The following ATRX variants were observed in gnomAD, a reference collection of about 807,000 sequenced individuals.
The protein encoded by ATRX is chromatin remodeler ATRX.
ATRX carries 12 observed loss-of-function variants against 172.6 expected under a neutral mutation model. The observed-to-expected ratio is 0.07, with a 90% CI of 0.04 to 0.11. ATRX has a LOEUF of 0.11. Among genes scored for constraint, ATRX ranks in the 10% least tolerant of loss-of-function variants. The probability of loss-of-function intolerance (pLI) is 1.00; values close to 1 mark genes in which losing one functional copy is unlikely to be tolerated. For synonymous variants in ATRX, 674 were observed against 594.7 expected (o/e 1.13, Z -1.94); for missense variants, 1,368 against 1,767.4 (o/e 0.77, Z 4.05).
chrX:77,646,877 C>T (rs2068946182), intron 15 of ATRX, among the ~76,000 whole-genome samples: 1 of 107,795 alleles, frequency 9.3e-6, no homozygotes, highest in Non-Finnish European at 1.9e-5. Context: ...GAGCTATGAT[C>T]ACGTCACTGC....
At chrX:77,754,776 T>C (rs1470313132) in intron 1 of ATRX, among the ~76,000 whole-genome samples, 3 of 111,776 alleles carry the variant, frequency 2.7e-5, no homozygotes, top group African/African-American at 3.3e-5. Flanking sequence ...ATTTTTTCCT[T>C]CATTTCAACC....
rs1319626475 is a variant in ATRX, at chrX:77,631,314, T to C, written c.5134+1893A>G. Among the ~76,000 whole-genome samples the C allele has an allele frequency of 2.2e-4, 25 of 111,294 alleles. 1 individual carries two copies. The Admixed American group carries it at 2.4e-3, about 11-fold the overall frequency. On this transcript the variant is annotated intron_variant, in intron 19 of 34. Transcript: ENST00000373344. ...AAATAAATGGGTAAGAAAAGATAAT[T>C]TTTTCTTTAAAAAAATCCAAATTTT...
intron 30 of ATRX, among the ~76,000 whole-genome samples, chrX:77,525,200 G>A (rs1177786487): frequency 8.9e-6 from 1 of 112,253 alleles, no homozygotes; most frequent in African/African-American, 3.2e-5. Context: ...CGCCAATGTA[G>A]AAACTTGCTA....
intron 22 of ATRX, among the ~76,000 whole-genome samples, chrX:77,607,124 G>A (rs1305313255): frequency 4.5e-5 from 5 of 111,717 alleles, no homozygotes. Flanking sequence ...CATACTGGAA[G>A]TCCTAGTAAG....
chrX:77,612,769 A>T (rs2067211199), intron 22 of ATRX, among the ~76,000 whole-genome samples: 1 of 110,869 alleles, frequency 9.0e-6, no homozygotes, highest in Admixed American at 9.7e-5. Context: ...CGTCCCCCAG[A>T]ACCTGGTAAT....
chrX:77,551,764 ATTTACAAGAAAAC>A (rs1307093077), intron 30 of ATRX, among the ~76,000 whole-genome samples: 6 of 109,633 alleles, frequency 5.5e-5, no homozygotes, highest in African/African-American at 2.0e-4. Flanking sequence ...ACTCAAACAT[ATTTACAAGAAAAC>A]AAACAAACAA....
intron 27 of ATRX, among the ~76,000 whole-genome samples, chrX:77,588,468 C>T (rs1051896025): frequency 3.6e-5 from 4 of 111,939 alleles, no homozygotes; most frequent in South Asian, 7.4e-4. Flanking sequence ...AGAGGACACA[C>T]TCAAGAAAGC....
chrX:77,779,581 T>A (rs2148974764), intron 1 of ATRX, among the ~76,000 whole-genome samples: 1 of 111,622 alleles, frequency 9.0e-6, no homozygotes, highest in Non-Finnish European at 1.9e-5. Context: ...ATCAATATAT[T>A]TCCATATTTT....
chrX:77,506,535 T>C lies in ATRX; in HGVS notation c.*1816A>G, dbSNP rs1249108295. 1 of 174,002 alleles carries C rather than the reference T, an allele frequency of 5.7e-6. No homozygotes were observed. The highest frequency in any genetic ancestry group is 1.1e-5 in the Non-Finnish European group (1 of 91,193). The allele number at this position is 174,002 out of a possible 1,213,427, so 14.3% of individuals were successfully genotyped here. ...TTGTAGAAATACCAACTGGTAACAG[T>C]TGGCCAGAGTGTACTGCCTTCAAAT... On this transcript the variant is annotated 3_prime_UTR_variant, in exon 35 of 35. Transcript: ENST00000373344.
At chrX:77,785,205 A>T (rs1182531875) in intron 1 of ATRX, among the ~76,000 whole-genome samples, 5 of 111,152 alleles carry the variant, frequency 4.5e-5, no homozygotes, top group African/African-American at 1.6e-4. Context: ...TCCTTCATGG[A>T]ATAAATAAGT....
intron 30 of ATRX, among the ~76,000 whole-genome samples, chrX:77,538,170 C>T (rs1446690419): frequency 1.8e-5 from 2 of 109,156 alleles, no homozygotes; most frequent in African/African-American, 6.7e-5. Flanking sequence ...ACATCTTGCA[C>T]ATGTGCCCCC....
intron 19 of ATRX, among the ~76,000 whole-genome samples, chrX:77,624,245 T>C (rs2067721572): frequency 1.8e-5 from 2 of 110,918 alleles, no homozygotes; most frequent in South Asian, 3.9e-4. Flanking sequence ...CCGGTGCCTG[T>C]AGTCCCAGCT....
chrX:77,656,967 A>T (rs1295160150), intron 12 of ATRX, among the ~76,000 whole-genome samples: 1 of 112,088 alleles, frequency 8.9e-6, no homozygotes, highest in Non-Finnish European at 1.9e-5. Context: ...AAGGTAAATT[A>T]ATGAAAAAGA....
chrX:77,609,360 G>T (rs2067056932), intron 22 of ATRX, among the ~76,000 whole-genome samples: 2 of 112,167 alleles, frequency 1.8e-5, no homozygotes, highest in Admixed American at 9.5e-5. Flanking sequence ...AATGAATAAA[G>T]AAAATATGGT....
intron 1 of ATRX, among the ~76,000 whole-genome samples, chrX:77,721,182 T>C (rs1194729484): frequency 9.0e-6 from 1 of 111,279 alleles, no homozygotes; most frequent in Non-Finnish European, 1.9e-5. Flanking sequence ...TATCTCAAAA[T>C]AATAAGAGCT....
rs782196312 is a variant in ATRX at position 77,682,732 on chromosome X, G to A, written c.2524C>T (p.Pro842Ser). Residue 842 changes from proline to serine, a missense_variant, in exon 9 of 35, where the codon CCA (proline) becomes TCA (serine). This residue lies in a region of ATRX where 843 missense variants were observed against 643.1 expected (regional missense o/e 1.31). Transcript: ENST00000373344. ...GAARTTKKRI[P>S]NTKDFDSSED... ...GAAGAGTCAAAATCTTTTGTATTTG[G>A]AATTCTTTTTTTGGTGGTTCTGGCA... 47 of 1,207,460 alleles carry A rather than the reference G, an allele frequency of 3.9e-5. No individual in the cohort carries two copies. In the Admixed American group the frequency reaches 8.8e-4, roughly 23 times the overall value.
intron 13 of ATRX, among the ~76,000 whole-genome samples, chrX:77,654,794 T>C (rs1329754277): frequency 1.8e-5 from 2 of 112,018 alleles, no homozygotes; most frequent in African/African-American, 6.5e-5. Flanking sequence ...ATTCCTTTTC[T>C]GGGTATATAC....
At chrX:77,620,746 T>C (rs187790166) in intron 19 of ATRX, among the ~76,000 whole-genome samples, 84 of 111,564 alleles carry the variant, frequency 7.5e-4, no homozygotes, top group African/African-American at 1.6e-3. Context: ...AGCATTGAAA[T>C]ACCACTATAA....
At chrX:77,688,340 T>C (rs782781781) in intron 7 of ATRX, among the ~76,000 whole-genome samples, 2 of 112,398 alleles carry the variant, frequency 1.8e-5, no homozygotes, top group Non-Finnish European at 3.8e-5. Context: ...TTTTTAATTC[T>C]ATCATCTCCA....
Sources: allele counts gnomAD v4.1 joint callset (sites outside exome capture counted in the v4.1 genomes callset), GRCh38; gene constraint gnomAD v4.1.1; regional missense constraint gnomAD v4.1.1; transcripts MANE v1.5; gene names NCBI Gene and HGNC (gene_info 2026-07-23, HGNC 2026-07-21).